Variants in CNTN4 observed in about 807,000 individuals in gnomAD.
The protein encoded by CNTN4 is contactin 4, also known as contactin-4.
A neutral mutation model predicts 122.5 loss-of-function variants in CNTN4; 77 were observed. The ratio of observed to expected loss-of-function variants is 0.63; its 90% CI spans 0.52 to 0.76. The LOEUF is 0.76. Among genes scored for constraint, CNTN4 ranks in the 30% least tolerant of loss-of-function variants. CNTN4 has a pLI of 0.00. For synonymous variants in CNTN4, 512 were observed against 447.0 expected, an observed-to-expected ratio of 1.15 and a Z score of -1.83; for missense variants, 1,256 against 1,259.1, an observed-to-expected ratio of 1.00 and a Z score of 0.04.
intron 14 of CNTN4, among the ~76,000 whole-genome samples, chr3:3,011,512 G>A (rs1162400748): frequency 2.0e-5 from 3 of 152,154 alleles, no homozygotes; most frequent in African/African-American, 7.2e-5. Flanking sequence ...CAAACTTTGT[G>A]TGTTGCCCTG....
intron 1 of CNTN4, chr3:2,099,848 A>G (rs1210063777): frequency 6.6e-6 from 1 of 152,406 alleles, no homozygotes; most frequent in Non-Finnish European, 1.5e-5. Flanking sequence ...CGCGGGGCTC[A>G]AAATCTTCGT....
chr3:2,304,064 T>C lies in CNTN4; in HGVS notation c.-144-35114T>C, dbSNP rs147312775. Among the ~76,000 whole-genome samples, 206 of 152,310 alleles carry C rather than the reference T, an allele frequency of 1.4e-3. 1 individual carries two copies. The highest frequency in any genetic ancestry group is 4.7e-3 in the African/African-American group (195 of 41,570). On this transcript the variant is annotated intron_variant, in intron 2 of 24. Transcript: ENST00000418658. ...TAAGTAGGTAAGATGCACAGTGAAA[T>C]TCAGTCCATCTATCTTTTGATGGGT...
intron 4 of CNTN4, among the ~76,000 whole-genome samples, chr3:2,707,459 G>A (rs1035143711): frequency 6.6e-6 from 1 of 152,130 alleles, no homozygotes; most frequent in African/African-American, 2.4e-5. Context: ...AGTACAGATA[G>A]CTGCATAAGA....
intron 14 of CNTN4, among the ~76,000 whole-genome samples, chr3:3,023,916 G>A (rs9815678): frequency 0.024 from 3,665 of 152,236 alleles, 113 homozygotes; most frequent in African/African-American, 0.075. Context: ...AGGCAGAATC[G>A]CACAACAGAC....
At chr3:2,923,335 T>G (rs1029462703) in intron 12 of CNTN4, among the ~76,000 whole-genome samples, 1 of 152,216 alleles carries the variant, frequency 6.6e-6, no homozygotes, top group African/African-American at 2.4e-5. Flanking sequence ...TTTTACATTT[T>G]TCTGTCAGTT....
intron 7 of CNTN4, among the ~76,000 whole-genome samples, chr3:2,849,986 C>CTTTTTTTTTTTTTTTTTTTT (rs746657018): frequency 1.4e-5 from 2 of 140,698 alleles, no homozygotes; most frequent in African/African-American, 2.6e-5. Context: ...TTAGCAATCA[C>CTTTTTTTTTTTTTTTTTTTT]TTTTTTTTCT....
At chr3:2,519,855 G>C (rs1239390643) in intron 3 of CNTN4, among the ~76,000 whole-genome samples, 6 of 152,066 alleles carry the variant, frequency 3.9e-5, no homozygotes, top group Non-Finnish European at 7.4e-5. Context: ...CTCATTGGTT[G>C]CGGGAAAAAT....
intron 2 of CNTN4, among the ~76,000 whole-genome samples, chr3:2,295,148 G>C (rs190222299): frequency 6.9e-6 from 1 of 145,782 alleles, no homozygotes; most frequent in Non-Finnish European, 1.5e-5. Flanking sequence ...ACATGGGCTT[G>C]TGTCTTTATA....
At chr3:2,739,389 A>G (rs1466546958) in intron 5 of CNTN4, among the ~76,000 whole-genome samples, 1 of 152,202 alleles carries the variant, frequency 6.6e-6, no homozygotes, top group African/African-American at 2.4e-5. Flanking sequence ...TGTTCATAGT[A>G]TATTCACAAA....
At chr3:2,516,859 A>G (rs1575822948) in intron 3 of CNTN4, among the ~76,000 whole-genome samples, 1 of 152,280 alleles carries the variant, frequency 6.6e-6, no homozygotes, top group South Asian at 2.1e-4. Flanking sequence ...AAGGAGACAG[A>G]TTTAATGCTT....
At chr3:2,151,361 G>T (rs1014933399) in intron 2 of CNTN4, among the ~76,000 whole-genome samples, 2 of 152,188 alleles carry the variant, frequency 1.3e-5, no homozygotes, top group Admixed American at 1.3e-4. Context: ...TGACAGGGAG[G>T]CAGCTAAGAG....
chr3:2,325,402 A>C (rs1322700962), intron 2 of CNTN4, among the ~76,000 whole-genome samples: 1 of 152,208 alleles, frequency 6.6e-6, no homozygotes, highest in Non-Finnish European at 1.5e-5. Flanking sequence ...TTTAATTTCT[A>C]ATGTAGTAAA....
intron 3 of CNTN4, among the ~76,000 whole-genome samples, chr3:2,503,941 A>G (rs959801531): frequency 2.6e-5 from 4 of 151,868 alleles, no homozygotes; most frequent in Non-Finnish European, 5.9e-5. Context: ...TAATAGGAGG[A>G]CTGTGTGTTT....
chr3:2,120,997 C>T (rs1254433783), intron 2 of CNTN4, among the ~76,000 whole-genome samples: 1 of 152,098 alleles, frequency 6.6e-6, no homozygotes, highest in Non-Finnish European at 1.5e-5. Flanking sequence ...GCTCCTCACA[C>T]TTTGGGAGGC....
chr3:2,733,361 C>CA (rs1346006540), intron 4 of CNTN4, among the ~76,000 whole-genome samples: 1 of 152,024 alleles, frequency 6.6e-6, no homozygotes, highest in African/African-American at 2.4e-5. Flanking sequence ...CTAGATGTGC[C>CA]AAAAATCACT....
chr3:2,155,350 T>C (rs2035673932), intron 2 of CNTN4, among the ~76,000 whole-genome samples: 2 of 152,126 alleles, frequency 1.3e-5, no homozygotes, highest in East Asian at 1.9e-4. Flanking sequence ...CCACAGGACA[T>C]GTGAACACAG....
intron 3 of CNTN4, among the ~76,000 whole-genome samples, chr3:2,421,352 A>G (rs1397890144): frequency 2.0e-5 from 3 of 151,834 alleles, no homozygotes; most frequent in Admixed American, 6.6e-5. Flanking sequence ...CACGGGTTCA[A>G]GCAATTTTCC....
chr3:2,577,640 G>C (rs1224348357), intron 4 of CNTN4, among the ~76,000 whole-genome samples: 1 of 152,182 alleles, frequency 6.6e-6, no homozygotes, highest in Non-Finnish European at 1.5e-5. Flanking sequence ...GATAGGGTTA[G>C]AGCTCAGCCT....
At chr3:2,919,107 G>T (rs1349358837) in intron 12 of CNTN4, among the ~76,000 whole-genome samples, 1 of 151,906 alleles carries the variant, frequency 6.6e-6, no homozygotes, top group African/African-American at 2.4e-5. Context: ...ACTTTGGGAG[G>T]CCAAGGCAGT....
Sources: gnomAD v4.1 joint callset for allele counts (sites outside exome capture counted in the v4.1 genomes callset) on GRCh38, gnomAD v4.1.1 for gene constraint, MANE v1.5 for transcripts, NCBI Gene and HGNC (gene_info 2026-07-23, HGNC 2026-07-21) for gene names.